Variants in GLRX3 observed in about 807,000 individuals in gnomAD.
GLRX3 encodes the protein glutaredoxin 3.
In GLRX3, 22 loss-of-function variants were observed where a neutral mutation model predicts 49.5. The ratio of observed to expected loss-of-function variants is 0.44; its 90% CI spans 0.32 to 0.63. The LOEUF (loss-of-function observed/expected upper bound fraction) is 0.63. GLRX3 is among the 30% of genes least tolerant of loss of function. GLRX3 has a pLI of 0.05. For synonymous variants in GLRX3, 133 were observed against 140.0 expected (o/e 0.95, Z 0.35); for missense variants, 385 against 396.3 (o/e 0.97, Z 0.24).
chr10:130,178,465 G>C (rs1590077038), intron 10 of GLRX3, among the ~76,000 whole-genome samples: 1 of 151,938 alleles, frequency 6.6e-6, no homozygotes, highest in African/African-American at 2.4e-5. Context: ...ATGTTGGCCA[G>C]GCTGGGCTTG....
At chr10:130,150,179 G>A (rs1363795937) in intron 2 of GLRX3, among the ~76,000 whole-genome samples, 1 of 149,308 alleles carries the variant, frequency 6.7e-6, no homozygotes, top group Non-Finnish European at 1.5e-5. Flanking sequence ...GGCGGAGGTT[G>A]CAGTGAGTTG....
chr10:130,136,584 G>A (rs1862055938), intron 1 of GLRX3, 72 bp downstream of exon 1: 4 of 1,238,338 alleles, frequency 3.2e-6, no homozygotes, highest in Non-Finnish European at 4.0e-6. Flanking sequence ...CCGGTGTGGG[G>A]CGGCGGGTGG....
chr10:130,170,294 C>T (rs543848026), intron 7 of GLRX3, among the ~76,000 whole-genome samples: 1 of 152,272 alleles, frequency 6.6e-6, no homozygotes, highest in African/African-American at 2.4e-5. Context: ...AACTGCCTCA[C>T]TTGTTAGCAA....
At chr10:130,136,790 C>T (rs528624189) in intron 1 of GLRX3, among the ~76,000 whole-genome samples, 2 of 152,228 alleles carry the variant, frequency 1.3e-5, no homozygotes, top group African/African-American at 4.8e-5. Flanking sequence ...CTGTCCAAGC[C>T]CGGGGGACGC....
chr10:130,152,312 C>G (rs1037353873), intron 2 of GLRX3, among the ~76,000 whole-genome samples: 1 of 152,168 alleles, frequency 6.6e-6, no homozygotes, highest in African/African-American at 2.4e-5. Context: ...AACCACTACA[C>G]CCAGTCTGTT....
intron 1 of GLRX3, among the ~76,000 whole-genome samples, chr10:130,140,319 A>G (rs1862149738): frequency 1.3e-5 from 2 of 152,214 alleles, no homozygotes; most frequent in Non-Finnish European, 2.9e-5. Flanking sequence ...TTCTCCAACA[A>G]TGCTCCAGGC....
At chr10:130,171,453 T>C in intron 7 of GLRX3, 131 bp from the exon 8 acceptor site, 1 of 668,230 alleles carries the variant, frequency 1.5e-6, no homozygotes, top group Non-Finnish European at 2.7e-6. Context: ...GAGCAGAAGC[T>C]CTGGGAGCTG....
Position 130,166,609 on chromosome 10 carries a change from A to T in GLRX3, c.581A>T (p.Tyr194Phe). The change falls in exon 5 of 11, where the codon TAT becomes TTT. Residue 194 changes from tyrosine to phenylalanine, a missense_variant. Physicochemically the swap from Tyr to Phe is conservative, Grantham distance 22 (BLOSUM62 3). This residue lies in a region of GLRX3 where 374 missense variants were observed against 358.6 expected (regional missense o/e 1.04). Coordinates refer to ENST00000331244, the MANE Select transcript of GLRX3 (RefSeq NM_006541.5). ...GAGGTTCGACAGGGACTCAAAGCCT[A>T]TTCCAGTTGGCCTACCTATCCTCAG... ...DEEVRQGLKA[Y>F]SSWPTYPQLY... 1 of 1,610,526 alleles carries T rather than the reference A, an allele frequency of 6.2e-7. No individual in the cohort carries two copies. The highest frequency in any genetic ancestry group is 2.2e-5 in the East Asian group (1 of 44,844).
rs141712559 is a variant in GLRX3, at chr10:130,158,759, C to T, written c.202-1236C>T. On this transcript the variant is annotated intron_variant, in intron 2 of 10. Coordinates refer to ENST00000331244, the MANE Select transcript of GLRX3 (RefSeq NM_006541.5). ...GAGAGTCTGTTCTAAATAGCTGTCT[C>T]GAATGCCTTATCTTTTTGTTCTTTT... is the stretch of plus-strand genomic sequence containing the variant. 3.0e-3 allele frequency among the ~76,000 whole-genome samples: 452 copies of T among 152,090 alleles called. 1 individual carries two copies. The highest frequency in any genetic ancestry group is 5.2e-3 in the Non-Finnish European group (357 of 68,002).
At chr10:130,138,111 C>T (rs1339638311) in intron 1 of GLRX3, among the ~76,000 whole-genome samples, 2 of 151,948 alleles carry the variant, frequency 1.3e-5, no homozygotes, top group African/African-American at 4.8e-5. Context: ...AGGCTGAGTG[C>T]AGTGGCGTGA....
intron 2 of GLRX3, among the ~76,000 whole-genome samples, chr10:130,147,522 T>G (rs1862291670): frequency 6.6e-6 from 1 of 152,250 alleles, no homozygotes; most frequent in Admixed American, 6.5e-5. Context: ...TGAGCCTGAC[T>G]GCACCTGCCA....
At chr10:130,138,155 C>G (rs1450588314) in intron 1 of GLRX3, among the ~76,000 whole-genome samples, 1 of 152,088 alleles carries the variant, frequency 6.6e-6, no homozygotes, top group East Asian at 1.9e-4. Flanking sequence ...CTCCTGGGTT[C>G]AAGCGATCCT....
At chr10:130,149,777 C>CT (rs67539009) in intron 2 of GLRX3, among the ~76,000 whole-genome samples, 33,460 of 141,982 alleles carry the variant, frequency 0.24, 4,150 homozygotes, top group South Asian at 0.42. Flanking sequence ...TTTCCTGTAG[C>CT]TTTTTTTTTT....
chr10:130,138,089 G>T (rs1384778968), intron 1 of GLRX3, among the ~76,000 whole-genome samples: 1 of 152,010 alleles, frequency 6.6e-6, no homozygotes, highest in Non-Finnish European at 1.5e-5. Flanking sequence ...ACAGGCTGTT[G>T]CTCTGTTGCC....
At chr10:130,166,071 T>A (rs1862678457) in intron 4 of GLRX3, among the ~76,000 whole-genome samples, 1 of 152,332 alleles carries the variant, frequency 6.6e-6, no homozygotes, top group Middle Eastern at 3.4e-3. Context: ...CATAGGTCGC[T>A]CCAGCCTCAG....
At chr10:130,136,615 C>T in intron 1 of GLRX3, 103 bp downstream of exon 1, 1 of 1,211,156 alleles carries the variant, frequency 8.3e-7, no homozygotes, top group Non-Finnish European at 1.0e-6. Context: ...CTTCTTGGTG[C>T]CCGGCTCCCT....
intron 2 of GLRX3, 89 bp from the exon 3 acceptor site, chr10:130,159,906 A>G (rs1198390034): frequency 8.0e-7 from 1 of 1,246,072 alleles, no homozygotes; most frequent in Non-Finnish European, 1.2e-6. Context: ...CAGCTACTTG[A>G]AGGGATAATG....
At chr10:130,145,610 C>T (rs952374177) in intron 2 of GLRX3, among the ~76,000 whole-genome samples, 8 of 151,718 alleles carry the variant, frequency 5.3e-5, no homozygotes, top group African/African-American at 1.9e-4. Context: ...TGCAGTGAGC[C>T]GAGATTGTGC....
At position 130,160,863 on chromosome 10, in the gene GLRX3, A is replaced by G; in HGVS notation, c.344A>G (p.His115Arg). Residue 115 changes from histidine to arginine, a missense_variant, in exon 4 of 11, where the codon CAT becomes CGT. This residue lies in a region of GLRX3 where 374 missense variants were observed against 358.6 expected (regional missense o/e 1.04). Transcript: ENST00000331244. ...GAGTTGACCAAAAAAGTTCAGCGAC[A>G]TGCATCTAGTGGCTCCTTCCTACCC... ...APELTKKVQR[H>R]ASSGSFLPSA... 1.9e-6 allele frequency: 3 copies of G among 1,610,654 alleles called. No homozygotes were observed. The highest frequency in any genetic ancestry group is 1.3e-5 in the African/African-American group (1 of 74,970).
Sources: allele counts gnomAD v4.1 joint callset (sites outside exome capture counted in the v4.1 genomes callset), GRCh38; gene constraint gnomAD v4.1.1; regional missense constraint gnomAD v4.1.1; transcripts MANE v1.5; gene names NCBI Gene and HGNC (gene_info 2026-07-23, HGNC 2026-07-21).